CLSTN2: variants seen among roughly 807,000 people sequenced by gnomAD.
The protein encoded by CLSTN2 is calsyntenin-2.
In CLSTN2, 48 loss-of-function variants were observed where a neutral mutation model predicts 101.2. The observed-to-expected ratio is 0.47, with a 90% CI of 0.38 to 0.60. CLSTN2 has a LOEUF of 0.60. Ranked by LOEUF, CLSTN2 falls within the 20% of genes least tolerant of loss-of-function variation. CLSTN2 has a pLI of 0.00. For synonymous variants in CLSTN2, 481 were observed against 463.6 expected (o/e 1.04, Z -0.48); for missense variants, 1,160 against 1,238.2 (o/e 0.94, Z 0.95).
At chr3:139,998,745 A>G (rs2006749261) in intron 1 of CLSTN2, among the ~76,000 whole-genome samples, 2 of 152,080 alleles carry the variant, frequency 1.3e-5, no homozygotes, top group Non-Finnish European at 1.5e-5. Flanking sequence ...AGGGCAGGAC[A>G]TTGAAGATCT....
At chr3:140,369,039 C>G (rs1195345795) in intron 2 of CLSTN2, among the ~76,000 whole-genome samples, 2 of 152,168 alleles carry the variant, frequency 1.3e-5, no homozygotes, top group Admixed American at 1.3e-4. Context: ...TGACTGTTTT[C>G]TGGGACAGTG....
intron 1 of CLSTN2, among the ~76,000 whole-genome samples, chr3:140,157,376 T>C (rs376011123): frequency 1.5e-4 from 23 of 152,298 alleles, no homozygotes; most frequent in African/African-American, 5.3e-4. Context: ...TGCGGATTTA[T>C]TTGGTTGGTA....
Position 140,556,687 on chromosome 3 carries a change from GCCAACTGAGGCAGCAGTTGGGAAGGTC to G in CLSTN2, c.1823+37_1823+63del, listed in dbSNP as rs377360578. ...GTGAGTGGACGCTGGTCAGCCTGGG[GCCAACTGAGGCAGCAGTTGGGAAGGTC>G]CCAACTGAGGTCCCTTGGGAATGTT... On this transcript the variant is annotated intron_variant, in intron 11 of 16. Transcript: ENST00000458420. 4.2e-4 allele frequency: 673 copies of G among 1,608,604 alleles called. 6 individuals are homozygous for G. In the African/African-American group the frequency reaches 7.6e-3, roughly 18 times the overall value.
rs1042298441 is a variant in CLSTN2, at chr3:140,567,139, A to G, written c.*886A>G. Reference sequence around the variant, plus strand: ...ACAACACACAACAAGGACAGTCACAACAAGCCTAGAGCCAGAAAGCAGATG... The same window carrying G: ...ACAACACACAACAAGGACAGTCACAGCAAGCCTAGAGCCAGAAAGCAGATG... On this transcript the variant is annotated 3_prime_UTR_variant, in exon 17 of 17. Coordinates refer to ENST00000458420, the MANE Select transcript of CLSTN2 (RefSeq NM_022131.3). The G allele has an allele frequency of 3.3e-5, 5 of 151,982 alleles. No homozygotes were observed. The highest frequency in any genetic ancestry group is 5.9e-5 in the Non-Finnish European group (4 of 67,996). The allele number at this position is 151,982 out of a possible 1,614,324, so 9.4% of individuals were successfully genotyped here.
At chr3:140,526,706 A>G (rs1367401635) in intron 8 of CLSTN2, among the ~76,000 whole-genome samples, 5 of 152,056 alleles carry the variant, frequency 3.3e-5, no homozygotes, top group African/African-American at 1.2e-4. Context: ...CAACAGTAAC[A>G]AAAACAGCAT....
Position 140,559,065 on chromosome 3 carries a change from A to G in CLSTN2, c.2041+208A>G, listed in dbSNP as rs1292317048. Among the ~76,000 whole-genome samples, 3 of 152,100 alleles carry G rather than the reference A, an allele frequency of 2.0e-5. No homozygotes were observed. The South Asian group carries it at 6.2e-4, about 32-fold the overall frequency. On this transcript the variant is annotated intron_variant, in intron 12 of 16. Transcript: ENST00000458420. ...AATGGATGGCTTAGCAATGAGGGAT[A>G]TGAGGTTGGAGGGAACGCATTTGTG...
intron 1 of CLSTN2, among the ~76,000 whole-genome samples, chr3:140,045,361 G>A (rs1257485537): frequency 2.0e-5 from 3 of 152,114 alleles, no homozygotes; most frequent in East Asian, 1.9e-4. Context: ...CTGTGGGATC[G>A]GTGGTGATAT....
intron 2 of CLSTN2, among the ~76,000 whole-genome samples, chr3:140,183,268 G>A (rs1409093869): frequency 6.6e-6 from 1 of 152,164 alleles, no homozygotes; most frequent in East Asian, 1.9e-4. Context: ...GGTTGAAAGG[G>A]GACACCCAGG....
chr3:140,129,968 A>C (rs569833541), intron 1 of CLSTN2, among the ~76,000 whole-genome samples: 22 of 152,324 alleles, frequency 1.4e-4, no homozygotes, highest in African/African-American at 5.3e-4. Flanking sequence ...TGGAAAGTAA[A>C]CTGCCTGATG....
At chr3:140,191,184 AT>A (rs1002815110) in intron 2 of CLSTN2, among the ~76,000 whole-genome samples, 4 of 151,702 alleles carry the variant, frequency 2.6e-5, no homozygotes, top group Admixed American at 2.6e-4. Flanking sequence ...TGAATATGTA[AT>A]TTTTTTTAGT....
Position 140,155,831 on chromosome 3 carries a change from A to G in CLSTN2, c.110-20120A>G, listed in dbSNP as rs186627983. Among the ~76,000 whole-genome samples, 130 of 152,336 alleles carry G rather than the reference A, an allele frequency of 8.5e-4. 1 individual carries two copies. Among genetic ancestry groups the G allele is most frequent in the African/African-American group, 2.7e-3 (114 of 41,560 alleles). On this transcript the variant is annotated intron_variant, in intron 1 of 16. Coordinates refer to ENST00000458420, the MANE Select transcript of CLSTN2 (RefSeq NM_022131.3). ...GTAAGTCAAGGGCTTCCAAAATTCCAAGACAGTCATGACAATTCAGTGCAT... is the reference window on the plus strand; with the variant it reads ...GTAAGTCAAGGGCTTCCAAAATTCCGAGACAGTCATGACAATTCAGTGCAT...
chr3:140,243,200 G>T (rs2086485992), intron 2 of CLSTN2, among the ~76,000 whole-genome samples: 3 of 152,206 alleles, frequency 2.0e-5, no homozygotes, highest in Non-Finnish European at 4.4e-5. Flanking sequence ...CATGGGAGGG[G>T]CACACAGTAA....
At chr3:140,014,210 G>A (rs1426026) in intron 1 of CLSTN2, among the ~76,000 whole-genome samples, 124,267 of 151,896 alleles carry the variant, frequency 0.82, 51,943 homozygotes, top group Non-Finnish European at 0.91. Context: ...ATGCAATTTT[G>A]TTTTATTTTA....
chr3:140,441,173 C>T (rs114048987), intron 5 of CLSTN2, among the ~76,000 whole-genome samples: 1,688 of 152,328 alleles, frequency 0.011, 31 homozygotes, highest in African/African-American at 0.037. Context: ...AGAAGTTGTC[C>T]AACCTGGCAC....
rs9870267 is a variant in CLSTN2, at chr3:140,476,312, C to A, written c.1344+9581C>A. Among the ~76,000 whole-genome samples the A allele has an allele frequency of 5.9e-3, 903 of 152,312 alleles. 13 individuals carry two copies. The highest frequency in any genetic ancestry group is 0.021 in the African/African-American group (858 of 41,574). On this transcript the variant is annotated intron_variant, in intron 8 of 16. Transcript: ENST00000458420. ...CAGTGAGAAGGGAACTTGGAACCAG[C>A]ATTTTTTCAGTTCTTATTTATATCA...
At chr3:140,333,702 G>GTGTGTGTGTA (rs2087411239) in intron 2 of CLSTN2, among the ~76,000 whole-genome samples, 2 of 152,166 alleles carry the variant, frequency 1.3e-5, no homozygotes, top group African/African-American at 4.8e-5. Flanking sequence ...GTGTGTGTGT[G>GTGTGTGTGTA]TGTGTGTGTG....
At chr3:140,463,849 G>A (rs995750485) in intron 7 of CLSTN2, among the ~76,000 whole-genome samples, 2 of 152,232 alleles carry the variant, frequency 1.3e-5, no homozygotes, top group Non-Finnish European at 2.9e-5. Context: ...GCCAGGAAGA[G>A]GGGTCCCAGT....
At chr3:140,543,261 G>T (rs1935523975) in intron 9 of CLSTN2, among the ~76,000 whole-genome samples, 1 of 152,134 alleles carries the variant, frequency 6.6e-6, no homozygotes, top group South Asian at 2.1e-4. Flanking sequence ...CCCTCCGCCT[G>T]CAGATCAACA....
chr3:140,038,387 G>A (rs1484507088), intron 1 of CLSTN2, among the ~76,000 whole-genome samples: 1 of 151,722 alleles, frequency 6.6e-6, no homozygotes, highest in Non-Finnish European at 1.5e-5. Context: ...TACTTTTAAT[G>A]GGGTGGTTTT....
Sources: allele counts gnomAD v4.1 joint callset (sites outside exome capture counted in the v4.1 genomes callset), GRCh38; gene constraint gnomAD v4.1.1; transcripts MANE v1.5; gene names NCBI Gene and HGNC (gene_info 2026-07-23, HGNC 2026-07-21).